The following NXN variants were observed in gnomAD, a reference collection of about 807,000 sequenced individuals.
The protein encoded by NXN is nucleoredoxin.
Under a neutral mutation model 48.6 loss-of-function variants are expected in NXN, and 16 were observed. The observed-to-expected ratio is 0.33, with a 90% CI of 0.22 to 0.50. NXN has a LOEUF of 0.50. Among genes scored for constraint, NXN ranks in the 20% least tolerant of loss-of-function variants. The pLI is 0.98. For missense variants in NXN, 492 were observed against 605.5 expected (o/e 0.81, Z 1.97); for synonymous variants, 281 against 269.6 (o/e 1.04, Z -0.41).
intron 1 of NXN, among the ~76,000 whole-genome samples, chr17:973,215 A>G (rs552179838): frequency 3.9e-5 from 6 of 152,270 alleles, no homozygotes; most frequent in East Asian, 1.9e-4. Context: ...CAATGCCTAC[A>G]TGTCTGAGCA....
intron 1 of NXN, among the ~76,000 whole-genome samples, chr17:838,689 C>A (rs1382148577): frequency 3.9e-5 from 6 of 152,136 alleles, no homozygotes. Context: ...AGGCCAACTG[C>A]CAGGAGAAAT....
intron 1 of NXN, among the ~76,000 whole-genome samples, chr17:840,988 T>TG (rs1914139286): frequency 6.6e-6 from 1 of 152,064 alleles, no homozygotes; most frequent in South Asian, 2.1e-4. Flanking sequence ...AGGCAGAGTG[T>TG]AGGGTGAGAG....
chr17:970,826 T>A (rs1324551271), intron 1 of NXN, among the ~76,000 whole-genome samples: 1 of 152,208 alleles, frequency 6.6e-6, no homozygotes, highest in African/African-American at 2.4e-5. Flanking sequence ...ATCTACTGAT[T>A]ACTAGTTGCT....
At chr17:868,758 C>A (rs1380844479) in intron 1 of NXN, among the ~76,000 whole-genome samples, 3 of 152,206 alleles carry the variant, frequency 2.0e-5, no homozygotes, top group African/African-American at 7.2e-5. Flanking sequence ...TCCCAAAGTG[C>A]TGGGATGACA....
At position 819,446 on chromosome 17, in the gene NXN, T is replaced by C. The variant is rs1193787998; in HGVS notation, c.813A>G (p.Gly271=). The change falls in exon 5 of 8, where the codon GGA becomes GGG. Residue 271 remains glycine (G), a synonymous_variant. Transcript: ENST00000336868. ...GGGGCCTGGAGCGCCTACCTTGGAT[T>C]CCGTACAGCCGGTTGAGGCGCGACC... ...ARRSRLNRLY[G]IQGIPTLIML... 1 of 1,613,952 alleles carries C rather than the reference T, an allele frequency of 6.2e-7. No individual in the cohort carries two copies. The highest frequency in any genetic ancestry group is 1.7e-5 in the Admixed American group (1 of 60,022).
In NXN at chr17:871,399, C is replaced by CTTT. The variant is rs11345310; in HGVS notation, c.361-45324_361-45322dup. Among the ~76,000 whole-genome samples the CTTT allele has an allele frequency of 4.7e-3, 479 of 101,682 alleles. 16 individuals are homozygous for CTTT. Among genetic ancestry groups the CTTT allele is most frequent in the African/African-American group, 0.014 (394 of 27,486 alleles). The allele number at this position is 101,682 out of a possible 152,430, so 66.7% of individuals were successfully genotyped here. Reference sequence around the variant, plus strand: ...TGATAAATCGCAGCATACGCATTCACTTTTTTTTTTTTTTTTTTTTTTTGA... The same window carrying CTTT: ...TGATAAATCGCAGCATACGCATTCACTTTTTTTTTTTTTTTTTTTTTTTTTTGA... On this transcript the variant is annotated intron_variant, in intron 1 of 7. Transcript: ENST00000336868.
chr17:824,754 G>C (rs1913005274), intron 2 of NXN, among the ~76,000 whole-genome samples: 1 of 152,344 alleles, frequency 6.6e-6, no homozygotes, highest in Admixed American at 6.5e-5. Context: ...TCCAGGTAGG[G>C]GGAGTTGAGA....
chr17:812,865 T>C (rs111210202), intron 5 of NXN, among the ~76,000 whole-genome samples: 2 of 149,562 alleles, frequency 1.3e-5, no homozygotes, highest in Non-Finnish European at 3.0e-5. Flanking sequence ...TGTGTAGGTG[T>C]GTGTGGGTGT....
In NXN at chr17:979,433, C is replaced by T. The variant is rs780529510; in HGVS notation, c.246G>A (p.Pro82=). Residue 82 remains proline (P), a synonymous_variant, in exon 1 of 8, where the codon CCG becomes CCA. Transcript: ENST00000336868. ...AGAGAAAEPE[P]RRRLEIVFVS... is the part of the protein sequence containing the mutation. Reference sequence around the variant, plus strand: ...CGAAGACGATCTCCAGGCGCCGCCGCGGCTCGGGCTCCGCCGCCGCCCCGG... The same window carrying T: ...CGAAGACGATCTCCAGGCGCCGCCGTGGCTCGGGCTCCGCCGCCGCCCCGG... The T allele has an allele frequency of 3.1e-5, 41 of 1,318,424 alleles. No individual in the cohort carries two copies. The Middle Eastern group carries it at 8.4e-4, about 27-fold the overall frequency. The allele number at this position is 1,318,424 out of a possible 1,614,324, so 81.7% of individuals were successfully genotyped here.
At chr17:967,951 G>A (rs1287375910) in intron 1 of NXN, among the ~76,000 whole-genome samples, 6 of 150,668 alleles carry the variant, frequency 4.0e-5, no homozygotes, top group Admixed American at 1.3e-4. Flanking sequence ...TAGCCCAGGC[G>A]ACAGAGCGAG....
At chr17:906,296 CTAAACTGTGTATT>C (rs1190820400) in intron 1 of NXN, among the ~76,000 whole-genome samples, 1 of 151,998 alleles carries the variant, frequency 6.6e-6, no homozygotes, top group Non-Finnish European at 1.5e-5. Context: ...CTACTTACTT[CTAAACTGTGTATT>C]TTTGAATGAC....
chr17:804,295 T>TTTTTTTG (rs1911368330), intron 6 of NXN, among the ~76,000 whole-genome samples: 1 of 146,654 alleles, frequency 6.8e-6, no homozygotes, highest in Non-Finnish European at 1.5e-5. Context: ...TTTTTTTTTT[T>TTTTTTTG]TTTTTGAGAC....
At chr17:878,058 G>T (rs1403744927) in intron 1 of NXN, 3 of 152,274 alleles carry the variant, frequency 2.0e-5, no homozygotes, top group African/African-American at 7.2e-5. Flanking sequence ...ACAGTCTGGA[G>T]GGGAGACAGA....
intron 1 of NXN, among the ~76,000 whole-genome samples, chr17:963,214 G>GACACAC (rs58535607): frequency 0.012 from 1,647 of 142,912 alleles, 26 homozygotes; most frequent in African/African-American, 0.036. Context: ...TACTGGGACG[G>GACACAC]ACACACACAC....
At chr17:801,309 G>C (rs1486673020) in intron 7 of NXN, among the ~76,000 whole-genome samples, 178 bp from the exon 8 acceptor site, 1 of 152,116 alleles carries the variant, frequency 6.6e-6, no homozygotes, top group African/African-American at 2.4e-5. Flanking sequence ...CGGAGGAAGG[G>C]GCTGCTTTGT....
chr17:826,770 C>T (rs377683785), intron 1 of NXN, among the ~76,000 whole-genome samples: 6 of 152,296 alleles, frequency 3.9e-5, no homozygotes, highest in East Asian at 1.9e-4. Flanking sequence ...GAAGCAATGC[C>T]CAGGGCCAGC....
chr17:974,291 C>G (rs1218891532), intron 1 of NXN, among the ~76,000 whole-genome samples: 2 of 151,796 alleles, frequency 1.3e-5, no homozygotes, highest in African/African-American at 4.8e-5. Context: ...GCGGAGCTTG[C>G]AGTGAGCCGA....
intron 1 of NXN, among the ~76,000 whole-genome samples, chr17:856,424 G>A (rs1345544944): frequency 2.6e-5 from 4 of 151,944 alleles, no homozygotes; most frequent in Non-Finnish European, 4.4e-5. Flanking sequence ...TCACTGCAGG[G>A]CATGCTTTAC....
intron 5 of NXN, 69 bp from the exon 6 acceptor site, chr17:805,316 G>A (rs906603636): frequency 1.7e-5 from 25 of 1,505,474 alleles, no homozygotes; most frequent in Admixed American, 1.4e-4. Flanking sequence ...GGAGGCTCGC[G>A]GGGTCCAGCC....
Sources: gnomAD v4.1 joint callset for allele counts (sites outside exome capture counted in the v4.1 genomes callset) on GRCh38, gnomAD v4.1.1 for gene constraint, MANE v1.5 for transcripts, NCBI Gene and HGNC (gene_info 2026-07-23, HGNC 2026-07-21) for gene names.